Variants in LY96 observed in about 807,000 individuals in gnomAD.
The protein encoded by LY96 is myeloid differentiation protein-2.
A neutral mutation model predicts 18.9 loss-of-function variants in LY96; 18 were observed. The observed-to-expected ratio is 0.95, with a 90% CI of 0.66 to 1.41. The LOEUF (loss-of-function observed/expected upper bound fraction) is 1.41, where lower values mean the gene tolerates loss of function less well. LY96 is among the 40% of genes most tolerant of loss of function. The probability of loss-of-function intolerance (pLI) is 0.00; values close to 1 mark genes in which losing one functional copy is unlikely to be tolerated. For synonymous variants in LY96, 66 were observed against 62.6 expected (o/e 1.06, Z -0.26); for missense variants, 175 against 182.4 (o/e 0.96, Z 0.23).
the LY96 span, among the ~76,000 whole-genome samples, chr8:74,059,035 G>T: frequency 6.6e-6 from 1 of 152,102 alleles, no homozygotes; most frequent in Admixed American, 6.5e-5. Context: ...TTCTATTTAG[G>T]CCTTCCACGG....
chr8:74,054,625 TTTCTTTCTTTCTTTC>T, the LY96 span, among the ~76,000 whole-genome samples: 1 of 102,686 alleles, frequency 9.7e-6, no homozygotes, highest in African/African-American at 4.0e-5. Context: ...TCCTTCTTTC[TTTCTTTCTTTCTTTC>T]TTTCTTTCTT....
chr8:74,032,033 G>A, downstream of LY96, among the ~76,000 whole-genome samples: 1 of 152,132 alleles, frequency 6.6e-6, no homozygotes, highest in East Asian at 1.9e-4. Context: ...GCTGAGGAGT[G>A]AGAATCTCTT....
chr8:74,063,164 G>A, the LY96 span, among the ~76,000 whole-genome samples: 1 of 152,158 alleles, frequency 6.6e-6, no homozygotes, highest in Non-Finnish European at 1.5e-5. Context: ...CTTGTAACAT[G>A]GACCAACCCA....
intron 1 of LY96, among the ~76,000 whole-genome samples, chr8:74,000,367 G>A (rs1328994696): frequency 1.3e-5 from 2 of 151,950 alleles, no homozygotes; most frequent in African/African-American, 4.8e-5. Context: ...GTGTAGCAAG[G>A]ATGGCCTTTA....
chr8:74,099,035 A>G, the LY96 span, among the ~76,000 whole-genome samples: 1 of 152,198 alleles, frequency 6.6e-6, no homozygotes, highest in Non-Finnish European at 1.5e-5. Context: ...ATACAGGTCC[A>G]ATTCCTTGGC....
chr8:74,081,802 C>T, the LY96 span, among the ~76,000 whole-genome samples: 4 of 152,094 alleles, frequency 2.6e-5, no homozygotes, highest in Admixed American at 1.3e-4. Flanking sequence ...TACAGGTGTG[C>T]ACCACCATCC....
chr8:74,068,083 A>ATAT, the LY96 span, among the ~76,000 whole-genome samples: 75 of 95,806 alleles, frequency 7.8e-4, 2 homozygotes, highest in African/African-American at 4.3e-3. Context: ...AAAAAAAAAA[A>ATAT]AAAAAAATAT....
the LY96 span, among the ~76,000 whole-genome samples, chr8:74,039,569 C>T: frequency 6.6e-6 from 1 of 152,092 alleles, no homozygotes; most frequent in Non-Finnish European, 1.5e-5. Flanking sequence ...GCATACAAGA[C>T]AAGCGGGGCA....
At chr8:74,056,045 AC>A in the LY96 span, 1 of 157,250 alleles carries the variant, frequency 6.4e-6, no homozygotes, top group Non-Finnish European at 1.4e-5. Flanking sequence ...GATACAAGGA[AC>A]AAAAACTGCA....
At chr8:73,999,958 A>C (rs1362561798) in intron 1 of LY96, among the ~76,000 whole-genome samples, 1 of 151,978 alleles carries the variant, frequency 6.6e-6, no homozygotes, top group East Asian at 1.9e-4. Context: ...TAGGACTTCT[A>C]GTACTATGTT....
the LY96 span, among the ~76,000 whole-genome samples, chr8:74,076,365 C>T: frequency 6.6e-6 from 1 of 151,804 alleles, no homozygotes; most frequent in East Asian, 1.9e-4. Context: ...CTCTTATTAC[C>T]CAGGCTGGAG....
In LY96 at chr8:74,010,050, C is replaced by A; in HGVS notation, c.252C>A (p.Thr84=). The A allele has an allele frequency of 6.2e-7, 1 of 1,609,842 alleles. No individual in the cohort carries two copies. The change falls in exon 3 of 5, where the codon ACC becomes ACA. Residue 84 remains threonine (T), a synonymous_variant. Coordinates refer to ENST00000284818, the MANE Select transcript of LY96 (RefSeq NM_015364.5). ...TCAATCTCTATATAACTGTCAACACCATGAATCTTCCAAAGCGCAAAGAAG... is the reference window on the plus strand; with the variant it reads ...TCAATCTCTATATAACTGTCAACACAATGAATCTTCCAAAGCGCAAAGAAG... ...LYFNLYITVN[T]MNLPKRKEVI... is the part of the protein sequence containing the mutation.
the LY96 span, among the ~76,000 whole-genome samples, chr8:74,096,219 T>A: frequency 1.3e-5 from 2 of 152,172 alleles, no homozygotes; most frequent in African/African-American, 4.8e-5. Flanking sequence ...CAAGCTTCCA[T>A]CCTTGTCCTC....
chr8:74,033,041 T>C (rs1187612748), downstream of LY96, among the ~76,000 whole-genome samples: 1 of 152,124 alleles, frequency 6.6e-6, no homozygotes, highest in Non-Finnish European at 1.5e-5. Flanking sequence ...TCATGGTAAA[T>C]TTTGGGGTTT....
chr8:74,004,275 T>C (rs563995919), intron 1 of LY96, among the ~76,000 whole-genome samples: 1 of 152,282 alleles, frequency 6.6e-6, no homozygotes, highest in South Asian at 2.1e-4. Context: ...CTCCCCTGGG[T>C]GGTAGACTGT....
At chr8:74,087,432 C>T in the LY96 span, among the ~76,000 whole-genome samples, 11 of 152,170 alleles carry the variant, frequency 7.2e-5, no homozygotes, top group African/African-American at 2.4e-4. Context: ...TTACAACCTA[C>T]TAATCCTGAG....
intron 4 of LY96, among the ~76,000 whole-genome samples, chr8:74,027,690 A>G (rs1296676019): frequency 1.3e-5 from 2 of 152,212 alleles, no homozygotes; most frequent in Non-Finnish European, 2.9e-5. Flanking sequence ...TTATCGCCAG[A>G]CCAACTCAAA....
chr8:74,031,936 C>A, downstream of LY96, among the ~76,000 whole-genome samples: 1 of 151,994 alleles, frequency 6.6e-6, no homozygotes, highest in African/African-American at 2.4e-5. Flanking sequence ...CTAGCCTGGC[C>A]AAGACGGTGA....
intron 1 of LY96, among the ~76,000 whole-genome samples, chr8:74,000,102 A>G (rs951046015): frequency 1.3e-5 from 2 of 152,190 alleles, no homozygotes; most frequent in African/African-American, 2.4e-5. Flanking sequence ...GTCCTAGCCT[A>G]TCTTAATGAT....
Sources: allele counts gnomAD v4.1 joint callset (sites outside exome capture counted in the v4.1 genomes callset), GRCh38; gene constraint gnomAD v4.1.1; transcripts MANE v1.5; gene names NCBI Gene and HGNC (gene_info 2026-07-23, HGNC 2026-07-21).